The following ATP8A1 variants were observed in gnomAD, a reference collection of about 807,000 sequenced individuals.
The protein encoded by ATP8A1 is phospholipid-transporting ATPase IA.
ATP8A1 carries 90 observed loss-of-function variants against 177.7 expected under a neutral mutation model. The ratio of observed to expected loss-of-function variants is 0.51; its 90% confidence interval spans 0.43 to 0.60. The LOEUF (loss-of-function observed/expected upper bound fraction) is 0.60, where lower values mean the gene tolerates loss of function less well. Among genes scored for constraint, ATP8A1 ranks in the 20% least tolerant of loss-of-function variants. The pLI is 0.00. For synonymous variants in ATP8A1, 493 were observed against 485.9 expected, an observed-to-expected ratio of 1.01 and a Z score of -0.19; for missense variants, 1,072 against 1,392.8, an observed-to-expected ratio of 0.77 and a Z score of 3.67.
At chr4:42,532,081 AG>A (rs1476508485) in intron 20 of ATP8A1, among the ~76,000 whole-genome samples, 2 of 152,110 alleles carry the variant, frequency 1.3e-5, no homozygotes, top group Non-Finnish European at 2.9e-5. Flanking sequence ...CAGCCTGGGC[AG>A]CAGAGTGAGA....
chr4:42,576,247 G>A (rs556362307), intron 12 of ATP8A1, among the ~76,000 whole-genome samples: 65 of 151,942 alleles, frequency 4.3e-4, no homozygotes, highest in African/African-American at 1.5e-3. Context: ...CAAGATGGGC[G>A]GATCACGAGG....
intron 22 of ATP8A1, among the ~76,000 whole-genome samples, chr4:42,512,168 C>T (rs1725071643): frequency 6.6e-6 from 1 of 152,160 alleles, no homozygotes; most frequent in African/African-American, 2.4e-5. Flanking sequence ...AGAGGTGCAG[C>T]TAAGCTATGA....
At chr4:42,414,934 C>T in intron 35 of ATP8A1, 1 of 516,338 alleles carries the variant, frequency 1.9e-6, no homozygotes, top group Non-Finnish European at 3.5e-6. Flanking sequence ...GAGTTTGGTC[C>T]CCAATAATCC....
intron 27 of ATP8A1, among the ~76,000 whole-genome samples, chr4:42,458,987 T>C (rs17630526): frequency 0.15 from 23,368 of 152,260 alleles, 2,223 homozygotes; most frequent in South Asian, 0.24. Context: ...TGTCTATTCA[T>C]TCACAGTATT....
intron 25 of ATP8A1, among the ~76,000 whole-genome samples, chr4:42,476,247 C>G (rs1578010948): frequency 6.6e-6 from 1 of 152,234 alleles, no homozygotes; most frequent in East Asian, 1.9e-4. Flanking sequence ...AGGATCCCCC[C>G]TCCTTCCTAG....
In ATP8A1 at chr4:42,586,352, T is replaced by C. The variant is rs766022679; in HGVS notation, c.719A>G (p.His240Arg). 3.1e-6 allele frequency: 5 copies of C among 1,613,780 alleles called. No individual in the cohort carries two copies. The highest frequency in any genetic ancestry group is 4.5e-5 in the East Asian group (2 of 44,870). Residue 240 changes from histidine (H) to arginine (R), a missense_variant, in exon 9 of 37, where the codon CAT becomes CGT. Physicochemically the swap from His to Arg is conservative, Grantham distance 29. Around this residue, in one of 5 missense-constraint regions of ATP8A1, gnomAD observed 344 missense variants for 393.5 expected, o/e 0.87. Transcript: ENST00000381668. ...TATAAAGACGGATTTTACATACCCA[T>C]GTCCATCAAGCCTTATGTTTCCAAC... ...DFVGNIRLDG[H>R]GTVPLGADQI...
At chr4:42,447,556 T>C (rs1348734766) in intron 30 of ATP8A1, among the ~76,000 whole-genome samples, 1 of 152,086 alleles carries the variant, frequency 6.6e-6, no homozygotes, top group Admixed American at 6.6e-5. Flanking sequence ...TAAAATCAAG[T>C]GAAAATAAGC....
At chr4:42,503,897 C>T (rs1724100725) in intron 23 of ATP8A1, among the ~76,000 whole-genome samples, 1 of 152,196 alleles carries the variant, frequency 6.6e-6, no homozygotes. Context: ...AGGGAAGGTG[C>T]AGGTGGCTGT....
intron 20 of ATP8A1, among the ~76,000 whole-genome samples, chr4:42,532,120 A>G (rs1447052336): frequency 6.6e-6 from 1 of 152,014 alleles, no homozygotes; most frequent in Non-Finnish European, 1.5e-5. Context: ...ACACACACAC[A>G]CAGACACAGA....
At chr4:42,492,338 T>C (rs1346315999) in intron 24 of ATP8A1, among the ~76,000 whole-genome samples, 1 of 152,230 alleles carries the variant, frequency 6.6e-6, no homozygotes, top group Non-Finnish European at 1.5e-5. Flanking sequence ...GAGTTTCAGA[T>C]ACATCATTTA....
chr4:42,437,315 A>C (rs1716106450), intron 33 of ATP8A1, among the ~76,000 whole-genome samples: 1 of 152,222 alleles, frequency 6.6e-6, no homozygotes, highest in Non-Finnish European at 1.5e-5. Context: ...ACTCAGTAAC[A>C]TCATTTAGAC....
intron 5 of ATP8A1, 134 bp downstream of exon 5, chr4:42,615,899 G>A: frequency 2.7e-6 from 2 of 735,364 alleles, no homozygotes; most frequent in Non-Finnish European, 4.4e-6. Flanking sequence ...ATGCCACAAA[G>A]CAAAAATCAA....
intron 20 of ATP8A1, among the ~76,000 whole-genome samples, chr4:42,527,603 C>T (rs1394686555): frequency 6.6e-6 from 1 of 152,168 alleles, no homozygotes; most frequent in Non-Finnish European, 1.5e-5. Flanking sequence ...ACCCCCAACA[C>T]CCCTGTTTGC....
chr4:42,577,836 T>G (rs1732631283), intron 12 of ATP8A1, among the ~76,000 whole-genome samples: 1 of 152,176 alleles, frequency 6.6e-6, no homozygotes, highest in Admixed American at 6.5e-5. Context: ...TTTTCAAAGC[T>G]CTTTGCTATG....
intron 24 of ATP8A1, among the ~76,000 whole-genome samples, chr4:42,487,633 T>C (rs1288403330): frequency 5.3e-5 from 8 of 152,108 alleles, no homozygotes. Flanking sequence ...AATTTAAGCA[T>C]GTCGTTTTAT....
At position 42,476,582 on chromosome 4, in the gene ATP8A1, G is replaced by A. The variant is rs550016359; in HGVS notation, c.2324+8914C>T. ...TGCAGTCAGCTGAGATCGTGCCATC[G>A]CACTCCAGCCTGGGCCACAGGGTGA... is the stretch of plus-strand genomic sequence containing the variant. On this transcript the variant is annotated intron_variant, in intron 25 of 36. Transcript: ENST00000381668. Among the ~76,000 whole-genome samples the A allele has an allele frequency of 2.0e-5, 3 of 151,638 alleles. No homozygotes were observed. The South Asian group carries it at 6.2e-4, about 32-fold the overall frequency.
At chr4:42,439,293 C>T (rs897693812) in intron 33 of ATP8A1, among the ~76,000 whole-genome samples, 2 of 152,184 alleles carry the variant, frequency 1.3e-5, no homozygotes, top group Middle Eastern at 3.2e-3. Context: ...TTAAGTATCA[C>T]AGTGGCTGGG....
intron 22 of ATP8A1, among the ~76,000 whole-genome samples, chr4:42,515,660 T>TA (rs1725454542): frequency 1.3e-5 from 2 of 152,206 alleles, no homozygotes; most frequent in Admixed American, 6.5e-5. Flanking sequence ...CCCAGGGCAC[T>TA]AAAGCCTCTC....
At chr4:42,442,157 T>C (rs778846301) in intron 33 of ATP8A1, among the ~76,000 whole-genome samples, 17 of 152,246 alleles carry the variant, frequency 1.1e-4, no homozygotes, top group Non-Finnish European at 1.9e-4. Context: ...GCTTAAACCA[T>C]CTGGGTCTCA....
Sources: gnomAD v4.1 joint callset for allele counts (sites outside exome capture counted in the v4.1 genomes callset) on GRCh38, gnomAD v4.1.1 for gene constraint, gnomAD v4.1.1 regional missense constraint, MANE v1.5 for transcripts, NCBI Gene and HGNC (gene_info 2026-07-23, HGNC 2026-07-21) for gene names.